Variants in COL19A1 observed in about 807,000 individuals in gnomAD.
COL19A1 encodes the protein collagen alpha-1(XIX) chain.
Under a neutral mutation model 190.2 loss-of-function variants are expected in COL19A1, and 159 were observed. The observed-to-expected ratio is 0.84, with a 90% confidence interval of 0.73 to 0.95. COL19A1 has a LOEUF of 0.95. Ranked by LOEUF, COL19A1 falls within the 40% of genes least tolerant of loss-of-function variation. COL19A1 has a pLI of 0.00. For synonymous variants in COL19A1, 509 were observed against 458.9 expected (o/e 1.11, Z -1.39); for missense variants, 1,418 against 1,431.9 (o/e 0.99, Z 0.16).
chr6:69,928,989 C>G (rs1171206571), intron 5 of COL19A1, among the ~76,000 whole-genome samples: 2 of 152,048 alleles, frequency 1.3e-5, no homozygotes, highest in African/African-American at 2.4e-5. Context: ...AGCTTCCCTA[C>G]TTAGGGAAAT....
intron 1 of COL19A1, chr6:69,867,570 A>C (rs1352660303): frequency 6.6e-6 from 1 of 152,254 alleles, no homozygotes; most frequent in Admixed American, 6.5e-5. Context: ...CAGGGTCGCG[A>C]GGAAGTTTGT....
At chr6:69,895,153 T>G (rs1769631400) in intron 2 of COL19A1, among the ~76,000 whole-genome samples, 1 of 152,088 alleles carries the variant, frequency 6.6e-6, no homozygotes, top group South Asian at 2.1e-4. Flanking sequence ...TTTTGAGCCA[T>G]GCGTCCTAGC....
chr6:69,932,201 G>A (rs563814249), intron 6 of COL19A1, among the ~76,000 whole-genome samples: 1 of 152,090 alleles, frequency 6.6e-6, no homozygotes, highest in Admixed American at 6.5e-5. Flanking sequence ...GCAAATAGAA[G>A]GAATCAATTA....
At chr6:70,126,069 C>A (rs1178642040) in intron 17 of COL19A1, among the ~76,000 whole-genome samples, 1 of 152,034 alleles carries the variant, frequency 6.6e-6, no homozygotes, top group East Asian at 1.9e-4. Context: ...TCTTACATCA[C>A]CACACTCGGT....
intron 13 of COL19A1, among the ~76,000 whole-genome samples, chr6:70,035,232 C>T (rs533279843): frequency 3.9e-5 from 6 of 152,150 alleles, no homozygotes; most frequent in Admixed American, 3.9e-4. Flanking sequence ...AAATAAAGTT[C>T]CTGGGAAAGT....
chr6:69,943,289 G>T (rs1215555427), intron 9 of COL19A1, among the ~76,000 whole-genome samples: 1 of 152,048 alleles, frequency 6.6e-6, no homozygotes, highest in East Asian at 1.9e-4. Context: ...TGAGCTCCTT[G>T]TATATTGTGG....
intron 49 of COL19A1, among the ~76,000 whole-genome samples, chr6:70,205,074 A>G (rs1403983439): frequency 6.6e-6 from 1 of 152,210 alleles, no homozygotes; most frequent in Non-Finnish European, 1.5e-5. Context: ...TGTTCTCTCT[A>G]GGGTCTAGGA....
chr6:69,959,787 C>T (rs1425543299), intron 9 of COL19A1, among the ~76,000 whole-genome samples: 3 of 152,142 alleles, frequency 2.0e-5, no homozygotes, highest in Non-Finnish European at 2.9e-5. Flanking sequence ...CCAAACCTCT[C>T]GGAGCCTCCA....
rs1583146351 is a variant in COL19A1, at chr6:70,196,365, T to TTTCCCAAGGGAAATACTCA, written c.3095-3240_3095-3222dup. On this transcript the variant is annotated intron_variant, in intron 48 of 50. Coordinates refer to ENST00000620364, the MANE Select transcript of COL19A1 (RefSeq NM_001858.6). ...TGCTAATATGTAACAATATGACTGA[T>TTTCCCAAGGGAAATACTCA]TTCCCAAGGGAAATACTCATTAACT... Among the ~76,000 whole-genome samples, 4 of 152,316 alleles carry TTTCCCAAGGGAAATACTCA rather than the reference T, an allele frequency of 2.6e-5. No homozygotes were observed. In the East Asian group the frequency reaches 7.7e-4, roughly 29 times the overall value.
At chr6:70,034,437 A>G in intron 13 of COL19A1, 139 bp downstream of exon 13, 1 of 641,696 alleles carries the variant, frequency 1.6e-6, no homozygotes, top group Admixed American at 2.6e-5. Flanking sequence ...TAGCATCTGA[A>G]TAAGAACAGC....
At chr6:69,993,415 T>G (rs1177478819) in intron 11 of COL19A1, among the ~76,000 whole-genome samples, 7 of 152,148 alleles carry the variant, frequency 4.6e-5, no homozygotes, top group Non-Finnish European at 1.0e-4. Flanking sequence ...GACTTGAAAT[T>G]TTCTTTTTAA....
At chr6:70,107,883 A>T (rs1292593641) in intron 16 of COL19A1, among the ~76,000 whole-genome samples, 1 of 151,986 alleles carries the variant, frequency 6.6e-6, no homozygotes, top group African/African-American at 2.4e-5. Flanking sequence ...ATTAGTTGTG[A>T]TGTTCTCTAA....
Position 70,122,065 on chromosome 6 carries a change from A to G in COL19A1, c.1341+123A>G, listed in dbSNP as rs1784916500. The G allele has an allele frequency of 7.0e-6, 4 of 575,110 alleles. No homozygotes were observed. The Admixed American group carries it at 1.3e-4, about 19-fold the overall frequency. The allele number at this position is 575,110 out of a possible 1,614,324, so 35.6% of individuals were successfully genotyped here. ...TATACATGATCACATGTATTTAAAC[A>G]TCTTTCCATACTGAAAGCTATGTTT... is the stretch of plus-strand genomic sequence containing the variant. On this transcript the variant is annotated intron_variant, in intron 17 of 50. Coordinates refer to ENST00000620364, the MANE Select transcript of COL19A1 (RefSeq NM_001858.6).
At chr6:69,871,594 T>C (rs558897204) in intron 1 of COL19A1, among the ~76,000 whole-genome samples, 76 of 152,314 alleles carry the variant, frequency 5.0e-4, no homozygotes, top group African/African-American at 1.8e-3. Flanking sequence ...TCTCTCTTTT[T>C]TCATGGTTCC....
At chr6:70,074,325 C>A (rs1049182374) in intron 15 of COL19A1, among the ~76,000 whole-genome samples, 1 of 151,814 alleles carries the variant, frequency 6.6e-6, no homozygotes, top group African/African-American at 2.4e-5. Context: ...ATGGTGAAAC[C>A]CTGTCTCTAC....
At chr6:69,917,726 G>A (rs575016730) in intron 4 of COL19A1, among the ~76,000 whole-genome samples, 1 of 152,194 alleles carries the variant, frequency 6.6e-6, no homozygotes, top group South Asian at 2.1e-4. Flanking sequence ...TCTAAATCAA[G>A]GGTGTCGAAT....
rs1000560480 is a variant in COL19A1 at position 70,176,426 on chromosome 6, C to A, written c.2623-94C>A. 6.7e-6 allele frequency: 9 copies of A among 1,336,322 alleles called. No homozygotes were observed. In the South Asian group the frequency reaches 8.3e-5, roughly 12 times the overall value. The allele number at this position is 1,336,322 out of a possible 1,614,324, so 82.8% of individuals were successfully genotyped here. On this transcript the variant is annotated intron_variant, in intron 41 of 50. Transcript: ENST00000620364. Reference sequence around the variant, plus strand: ...AACACTTATCAGATCCAAAGGAAAGCTTTACCAAATCCAAATTATTATTTG... The same window carrying A: ...AACACTTATCAGATCCAAAGGAAAGATTTACCAAATCCAAATTATTATTTG...
intron 14 of COL19A1, among the ~76,000 whole-genome samples, chr6:70,063,552 C>T (rs1163409645): frequency 6.6e-6 from 1 of 151,456 alleles, no homozygotes; most frequent in Admixed American, 6.6e-5. Context: ...ATTGACACCC[C>T]AACATCGCAA....
intron 11 of COL19A1, among the ~76,000 whole-genome samples, chr6:70,021,958 G>C (rs1778438314): frequency 1.3e-5 from 2 of 151,952 alleles, no homozygotes; most frequent in Admixed American, 1.3e-4. Context: ...ATGCAGTTTT[G>C]TTTGTTTTGT....
Sources: allele counts gnomAD v4.1 joint callset (sites outside exome capture counted in the v4.1 genomes callset), GRCh38; gene constraint gnomAD v4.1.1; transcripts MANE v1.5; gene names NCBI Gene and HGNC (gene_info 2026-07-23, HGNC 2026-07-21).